KLKB1: variants seen among roughly 807,000 people sequenced by gnomAD.
KLKB1 encodes kallikrein B1.
A neutral mutation model predicts 73.6 loss-of-function variants in KLKB1; 58 were observed. The ratio of observed to expected loss-of-function variants is 0.79; its 90% CI spans 0.64 to 0.98. The LOEUF (loss-of-function observed/expected upper bound fraction) is 0.98, where lower values mean the gene tolerates loss of function less well. Ranked by LOEUF, KLKB1 falls within the 50% of genes least tolerant of loss-of-function variation. The probability of loss-of-function intolerance (pLI) is 0.00; values close to 1 mark genes in which losing one functional copy is unlikely to be tolerated. For missense variants in KLKB1, 737 were observed against 763.8 expected, an observed-to-expected ratio of 0.96 and a Z score of 0.41; for synonymous variants, 280 against 258.1, an observed-to-expected ratio of 1.08 and a Z score of -0.81.
chr4:186,223,896 C>A (rs919288881), upstream of KLKB1, among the ~76,000 whole-genome samples: 11 of 152,178 alleles, frequency 7.2e-5, no homozygotes, highest in Non-Finnish European at 1.5e-4. Context: ...TTCAAGGCAG[C>A]CCCTCCCATT....
rs760460828 is a variant in KLKB1 at position 186,251,461 on chromosome 4, T to A, written c.869-26T>A. 195 of 1,609,628 alleles carry A rather than the reference T, an allele frequency of 1.2e-4. 2 individuals are homozygous for A. In the Admixed American group the frequency reaches 3.2e-3, roughly 27 times the overall value. ...CGTTCATTGCTTTTCCCATCTGATA[T>A]CTTTTTGTGTTTATAATTGACACAG... On this transcript the variant is annotated intron_variant, in intron 8 of 14. Transcript: ENST00000264690.
intron 12 of KLKB1, among the ~76,000 whole-genome samples, chr4:186,255,030 T>A (rs2126677682): frequency 1.3e-5 from 2 of 152,364 alleles, no homozygotes; most frequent in South Asian, 4.1e-4. Context: ...GGGAAATGTC[T>A]GTGCCGTCTG....
chr4:186,257,139 G>T (rs945807591), intron 13 of KLKB1, 87 bp from the exon 14 acceptor site: 7 of 700,418 alleles, frequency 1.0e-5, no homozygotes, highest in Admixed American at 3.1e-5. Flanking sequence ...ATTTATTGTG[G>T]GAATAATAAT....
At position 186,258,062 on chromosome 4, in the gene KLKB1, G is replaced by T. The variant is rs374301217; in HGVS notation, c.1767G>T (p.Met589Ile). The T allele has an allele frequency of 4.3e-6, 7 of 1,613,996 alleles. No homozygotes were observed. In the African/African-American group the frequency reaches 8.0e-5, roughly 18 times the overall value. ...CCTTAGTTTGCAAACACAATGGAAT[G>T]TGGCGTTTGGTGGGCATCACCAGCT... The part of the protein sequence containing the change: ...GGPLVCKHNG[M>I]WRLVGITSWG... The change falls in exon 15 of 15, where the codon ATG (methionine) becomes ATT (isoleucine). Residue 589 changes from methionine to isoleucine, a missense_variant. Transcript: ENST00000264690.
At chr4:186,216,802 G>A (rs758539865) in intron 2 of KLKB1, among the ~76,000 whole-genome samples, 1 of 152,132 alleles carries the variant, frequency 6.6e-6, no homozygotes, top group Non-Finnish European at 1.5e-5. Flanking sequence ...CCCTCTTAAC[G>A]CTCTGAATCT....
chr4:186,238,883 G>A (rs952591542), intron 6 of KLKB1, among the ~76,000 whole-genome samples: 10 of 151,620 alleles, frequency 6.6e-5, no homozygotes, highest in African/African-American at 2.4e-4. Context: ...AACTAGTACA[G>A]TGATACTGTT....
Position 186,238,339 on chromosome 4 carries a change from T to G in KLKB1, c.572T>G (p.Leu191Arg). ...AGTAACGTGGAATCTGGATTCTCAC[T>G]GAAGCCCTGTGCCCTTTCAGAAATT... ...VLSNVESGFS[L>R]KPCALSEIGC... Residue 191 changes from leucine (L) to arginine (R), a missense_variant, in exon 6 of 15, where the codon CTG becomes CGG. Coordinates refer to ENST00000264690, the MANE Select transcript of KLKB1 (RefSeq NM_000892.5). 1 of 1,613,352 alleles carries G rather than the reference T, an allele frequency of 6.2e-7. No individual in the cohort carries two copies. Among genetic ancestry groups the G allele is most frequent in the Non-Finnish European group, 8.5e-7 (1 of 1,179,296 alleles).
Position 186,252,074 on chromosome 4 carries a change from A to G in KLKB1, c.1202A>G (p.Glu401Gly). 1 of 1,614,094 alleles carries G rather than the reference A, an allele frequency of 6.2e-7. No homozygotes were observed. Among genetic ancestry groups the G allele is most frequent in the Non-Finnish European group, 8.5e-7 (1 of 1,180,040 alleles). Reference sequence around the variant, plus strand: ...GGAGGAACAAACTCTTCTTGGGGAGAGTGGCCCTGGCAGGTGAGCCTGCAG... The same window carrying G: ...GGAGGAACAAACTCTTCTTGGGGAGGGTGGCCCTGGCAGGTGAGCCTGCAG... The part of the protein sequence containing the change: ...IVGGTNSSWG[E>G]WPWQVSLQVK... The change falls in exon 11 of 15, where the codon GAG becomes GGG. Residue 401 changes from glutamate (E) to glycine (G), a missense_variant. By Grantham distance (98) the Glu-to-Gly change is moderately conservative. Coordinates refer to ENST00000264690, the MANE Select transcript of KLKB1 (RefSeq NM_000892.5).
intron 6 of KLKB1, among the ~76,000 whole-genome samples, chr4:186,244,285 C>A (rs1580013272): frequency 6.6e-6 from 1 of 151,960 alleles, no homozygotes; most frequent in Non-Finnish European, 1.5e-5. Context: ...AACTTAGTAT[C>A]CAAAGGCGGA....
intron 3 of KLKB1, 32 bp from the exon 4 acceptor site, chr4:186,233,920 C>A: frequency 1.4e-6 from 2 of 1,441,856 alleles, no homozygotes; most frequent in Non-Finnish European, 2.0e-6. Flanking sequence ...GTTTATTATT[C>A]TACTTCCTAA....
At chr4:186,222,585 A>G (rs1425239204), upstream of KLKB1, among the ~76,000 whole-genome samples, 1 of 152,164 alleles carries the variant, frequency 6.6e-6, no homozygotes, top group African/African-American at 2.4e-5. Context: ...CATAGTTTAT[A>G]TCTTTTGTAT....
intron 2 of KLKB1, among the ~76,000 whole-genome samples, chr4:186,214,217 A>G (rs1736825204): frequency 6.6e-6 from 1 of 152,202 alleles, no homozygotes; most frequent in African/African-American, 2.4e-5. Flanking sequence ...GAAGAAATGG[A>G]CAGAATCCTG....
rs140330569 is a variant in KLKB1, at chr4:186,247,896, T to A, written c.599-2347T>A. ...CTCCGTGGTTTTTAGTATATCCACC[T>A]GATTGCACAACGATCACCACTGTCT... On this transcript the variant is annotated intron_variant, in intron 6 of 14. Transcript: ENST00000264690. 2.0e-4 allele frequency among the ~76,000 whole-genome samples: 31 copies of A among 152,356 alleles called. No individual in the cohort carries two copies. In the East Asian group the frequency reaches 5.4e-3, roughly 27 times the overall value.
intron 2 of KLKB1, among the ~76,000 whole-genome samples, chr4:186,229,524 A>C (rs1434722878): frequency 6.6e-6 from 1 of 152,070 alleles, no homozygotes; most frequent in African/African-American, 2.4e-5. Flanking sequence ...GCACATTCTT[A>C]TGCTCTTATT....
chr4:186,214,849 T>C (rs1736841882), intron 2 of KLKB1, among the ~76,000 whole-genome samples: 1 of 152,192 alleles, frequency 6.6e-6, no homozygotes, highest in African/African-American at 2.4e-5. Flanking sequence ...CTGAATTCAG[T>C]TTTGGAATTA....
In KLKB1 at chr4:186,246,148, G is replaced by A. The variant is rs542654383; in HGVS notation, c.599-4095G>A. Among the ~76,000 whole-genome samples the A allele has an allele frequency of 3.7e-3, 562 of 152,058 alleles. 3 individuals are homozygous for A. Among genetic ancestry groups the A allele is most frequent in the African/African-American group, 0.013 (519 of 41,498 alleles). On this transcript the variant is annotated intron_variant, in intron 6 of 14. Coordinates refer to ENST00000264690, the MANE Select transcript of KLKB1 (RefSeq NM_000892.5). ...AGCTGGACCGGGTGTGAGGAGGGGA[G>A]GTGATAGAAGGATTATAGGGTGGAG...
At chr4:186,257,187 A>T in intron 13 of KLKB1, 39 bp from the exon 14 acceptor site, 1 of 1,207,946 alleles carries the variant, frequency 8.3e-7, no homozygotes, top group Non-Finnish European at 1.2e-6. Flanking sequence ...AGTTATTATT[A>T]TTAACTTCCC....
At chr4:186,233,894 C>T (rs1737529214) in intron 3 of KLKB1, 58 bp from the exon 4 acceptor site, 1 of 1,190,010 alleles carries the variant, frequency 8.4e-7, no homozygotes, top group Admixed American at 1.7e-5. Flanking sequence ...AAATGCTAGA[C>T]ATTTCCTCAA....
chr4:186,248,652 T>TG (rs1738512524), intron 6 of KLKB1, among the ~76,000 whole-genome samples: 1 of 144,812 alleles, frequency 6.9e-6, no homozygotes, highest in Non-Finnish European at 1.5e-5. Flanking sequence ...CAACAGTTTT[T>TG]GGGTAGGCAT....
Sources: allele counts gnomAD v4.1 joint callset (sites outside exome capture counted in the v4.1 genomes callset), GRCh38; gene constraint gnomAD v4.1.1; transcripts MANE v1.5; gene names NCBI Gene and HGNC (gene_info 2026-07-23, HGNC 2026-07-21).